FSHR: variants seen among roughly 807,000 people sequenced by gnomAD.
FSHR encodes the protein follicle stimulating hormone receptor.
In FSHR, 46 loss-of-function variants were observed where a neutral mutation model predicts 52.1. That is an observed-to-expected ratio of 0.88 (90% CI 0.70 to 1.13). The LOEUF is 1.13. Among genes scored for constraint, FSHR ranks in the 50% most tolerant of loss-of-function variants. The pLI is 0.00. For synonymous variants in FSHR, 399 were observed against 309.6 expected (o/e 1.29, Z -3.03); for missense variants, 964 against 834.6 (o/e 1.16, Z -1.91).
chr2:49,027,686 C>A (rs1370265021), intron 2 of FSHR, among the ~76,000 whole-genome samples: 1 of 151,984 alleles, frequency 6.6e-6, no homozygotes, highest in Non-Finnish European at 1.5e-5. Context: ...ACCATCTCTA[C>A]TAAAAATACA....
Position 48,990,438 on chromosome 2 carries a change from TC to T in FSHR, c.446+127del. Reference sequence around the variant, plus strand: ...AAGGACCTCACTTCTGGCCTCCCTATCTTTGCTAACCCAGAGCAATACATTT... The same window carrying T: ...AAGGACCTCACTTCTGGCCTCCCTATTTTGCTAACCCAGAGCAATACATTT... On this transcript the variant is annotated intron_variant, in intron 5 of 9. Coordinates refer to ENST00000406846, the MANE Select transcript of FSHR (RefSeq NM_000145.4). 1.1e-5 allele frequency: 8 copies of T among 748,138 alleles called. No individual in the cohort carries two copies. The South Asian group carries it at 1.2e-4, about 11-fold the overall frequency. 46.3% of individuals were successfully genotyped at this position (748,138 alleles called of 1,614,324 possible).
intron 2 of FSHR, among the ~76,000 whole-genome samples, chr2:49,041,517 G>A (rs921944536): frequency 6.6e-6 from 1 of 152,154 alleles, no homozygotes; most frequent in Non-Finnish European, 1.5e-5. Flanking sequence ...TCTATTTTAA[G>A]ATTTCCAAGC....
chr2:48,989,648 T>TG (rs1675683290), intron 5 of FSHR, among the ~76,000 whole-genome samples: 2 of 152,184 alleles, frequency 1.3e-5, no homozygotes, highest in African/African-American at 4.8e-5. Flanking sequence ...AAGCTGACCT[T>TG]TCACCTCTTG....
In FSHR at chr2:48,987,175, T is replaced by C. The variant is rs77152340; in HGVS notation, c.524+1802A>G. 4.7e-3 allele frequency among the ~76,000 whole-genome samples: 708 copies of C among 151,984 alleles called. 7 individuals carry two copies. Among genetic ancestry groups the C allele is most frequent in the African/African-American group, 0.016 (682 of 41,506 alleles). ...TGTATTCACTATTTTCCACAAGCTC[T>C]TTGTATTATTATTTTTATTTATTTT... On this transcript the variant is annotated intron_variant, in intron 6 of 9. Coordinates refer to ENST00000406846, the MANE Select transcript of FSHR (RefSeq NM_000145.4).
At chr2:48,984,606 A>T (rs1675406110) in intron 6 of FSHR, among the ~76,000 whole-genome samples, 1 of 151,674 alleles carries the variant, frequency 6.6e-6, no homozygotes, top group African/African-American at 2.4e-5. Context: ...TTTGTAATAT[A>T]GGCCTAATAT....
chr2:48,979,455 C>T (rs1265933409), intron 8 of FSHR, among the ~76,000 whole-genome samples: 2 of 152,064 alleles, frequency 1.3e-5, no homozygotes, highest in African/African-American at 2.4e-5. Context: ...CCCCCAAAAC[C>T]TACTCAACTC....
At chr2:49,018,879 G>C (rs1667594200) in intron 3 of FSHR, among the ~76,000 whole-genome samples, 1 of 152,118 alleles carries the variant, frequency 6.6e-6, no homozygotes, top group Non-Finnish European at 1.5e-5. Context: ...GTGTGTATCT[G>C]TTCCCTACTG....
chr2:49,091,065 T>A (rs1304139181), intron 1 of FSHR, among the ~76,000 whole-genome samples: 1 of 152,100 alleles, frequency 6.6e-6, no homozygotes, highest in East Asian at 1.9e-4. Flanking sequence ...CTGTAGTTTG[T>A]CCTTCATTCT....
At chr2:49,034,104 C>T (rs1668195743) in intron 2 of FSHR, among the ~76,000 whole-genome samples, 1 of 152,220 alleles carries the variant, frequency 6.6e-6, no homozygotes, top group Non-Finnish European at 1.5e-5. Context: ...GGAAACAAGA[C>T]CCAGAGTCTG....
rs575285008 is a variant in FSHR, at chr2:49,060,460, C to T, written c.224+7759G>A. Reference sequence around the variant, plus strand: ...TGCCCTGCATCCCAGGAAATGATGCCTTGACCAGCCAGGGTGGTCACACAC... The same window carrying T: ...TGCCCTGCATCCCAGGAAATGATGCTTTGACCAGCCAGGGTGGTCACACAC... On this transcript the variant is annotated intron_variant, in intron 2 of 9. Coordinates refer to ENST00000406846, the MANE Select transcript of FSHR (RefSeq NM_000145.4). Among the ~76,000 whole-genome samples the T allele has an allele frequency of 7.9e-5, 12 of 152,272 alleles. No individual in the cohort carries two copies. The South Asian group carries it at 1.5e-3, about 18-fold the overall frequency.
chr2:49,038,066 AG>A (rs1239195389), intron 2 of FSHR, among the ~76,000 whole-genome samples: 1 of 152,224 alleles, frequency 6.6e-6, no homozygotes, highest in Non-Finnish European at 1.5e-5. Flanking sequence ...AGATATCAAA[AG>A]ATAATAGAGT....
At chr2:49,016,964 T>A (rs777127810) in intron 4 of FSHR, among the ~76,000 whole-genome samples, 1 of 152,136 alleles carries the variant, frequency 6.6e-6, no homozygotes, top group African/African-American at 2.4e-5. Context: ...GCCATTTGAG[T>A]AGAGGAAGCA....
At chr2:49,091,582 C>A (rs558277769) in intron 1 of FSHR, among the ~76,000 whole-genome samples, 7 of 152,318 alleles carry the variant, frequency 4.6e-5, no homozygotes, top group African/African-American at 1.4e-4. Flanking sequence ...CAGGCATGAG[C>A]CATCATGCCC....
intron 2 of FSHR, among the ~76,000 whole-genome samples, chr2:49,054,852 C>G (rs1383153572): frequency 6.6e-6 from 1 of 152,002 alleles, no homozygotes; most frequent in Non-Finnish European, 1.5e-5. Flanking sequence ...AGCACCTCAC[C>G]AAAACAACAC....
At chr2:49,132,158 C>T (rs1054052789) in intron 1 of FSHR, among the ~76,000 whole-genome samples, 1 of 152,158 alleles carries the variant, frequency 6.6e-6, no homozygotes, top group Non-Finnish European at 1.5e-5. Flanking sequence ...CCTGTAGTTA[C>T]ATGTTCTGGA....
chr2:49,118,425 T>A (rs1671682497), intron 1 of FSHR, among the ~76,000 whole-genome samples: 1 of 152,150 alleles, frequency 6.6e-6, no homozygotes, highest in Non-Finnish European at 1.5e-5. Flanking sequence ...AAACAGTGGC[T>A]TTTGGACCCC....
intron 2 of FSHR, among the ~76,000 whole-genome samples, chr2:49,039,918 T>C (rs1011822393): frequency 7.8e-5 from 2 of 25,788 alleles, no homozygotes; most frequent in Non-Finnish European, 1.9e-4. Flanking sequence ...ACTTTCTACA[T>C]TGGTGGTTTT....
chr2:49,111,604 C>A (rs1671424178), intron 1 of FSHR, among the ~76,000 whole-genome samples: 1 of 152,094 alleles, frequency 6.6e-6, no homozygotes, highest in African/African-American at 2.4e-5. Flanking sequence ...CTGCACAGTG[C>A]TGGAAGGAGC....
chr2:49,126,585 A>G (rs1157214868), intron 1 of FSHR, among the ~76,000 whole-genome samples: 15 of 152,174 alleles, frequency 9.9e-5, no homozygotes, highest in Admixed American at 8.5e-4. Flanking sequence ...GTAATATCAA[A>G]TGGTTGAATG....
Sources: gnomAD v4.1 joint callset for allele counts (sites outside exome capture counted in the v4.1 genomes callset) on GRCh38, gnomAD v4.1.1 for gene constraint, MANE v1.5 for transcripts, NCBI Gene and HGNC (gene_info 2026-07-23, HGNC 2026-07-21) for gene names.